Variants in RALYL observed in about 807,000 individuals in gnomAD.
The protein encoded by RALYL is RNA-binding Raly-like protein.
Under a neutral mutation model 35.1 loss-of-function variants are expected in RALYL, and 29 were observed. That is an observed-to-expected ratio of 0.83 (90% CI 0.61 to 1.13). The LOEUF (loss-of-function observed/expected upper bound fraction) is 1.13, where lower values mean the gene tolerates loss of function less well. Among genes scored for constraint, RALYL ranks in the 50% most tolerant of loss-of-function variants. The pLI is 0.00. For missense variants in RALYL, 359 were observed against 360.4 expected (o/e 1.00, Z 0.03); for synonymous variants, 120 against 127.6 (o/e 0.94, Z 0.40).
chr8:84,910,395 A>G (rs922053625), intron 8 of RALYL, among the ~76,000 whole-genome samples: 1 of 152,146 alleles, frequency 6.6e-6, no homozygotes, highest in East Asian at 1.9e-4. Context: ...CTTAAAATAC[A>G]TGATCTAATA....
chr8:84,729,839 A>G (rs1432940912), intron 2 of RALYL, among the ~76,000 whole-genome samples: 5 of 152,188 alleles, frequency 3.3e-5, no homozygotes, highest in Admixed American at 6.6e-5. Context: ...ACCAGGAAGA[A>G]TTTGAATCTC....
intron 1 of RALYL, among the ~76,000 whole-genome samples, chr8:84,431,671 G>C (rs1372232179): frequency 6.6e-6 from 1 of 152,094 alleles, no homozygotes; most frequent in African/African-American, 2.4e-5. Context: ...TGTCCTGGAT[G>C]AACTCACCTA....
intron 3 of RALYL, among the ~76,000 whole-genome samples, chr8:84,782,031 G>GCA (rs35098202): frequency 0.012 from 1,823 of 148,622 alleles, 8 homozygotes; most frequent in South Asian, 0.021. Context: ...GCACACGCGC[G>GCA]CACACACACA....
At chr8:84,197,787 G>A (rs1815735741) in intron 1 of RALYL, among the ~76,000 whole-genome samples, 1 of 146,696 alleles carries the variant, frequency 6.8e-6, no homozygotes. Context: ...AAAAAAAAAA[G>A]ACAAAAAAAA....
Position 84,704,398 on chromosome 8 carries a change from C to A in RALYL, c.257-70181C>A, listed in dbSNP as rs371953384. Among the ~76,000 whole-genome samples, 12 of 151,672 alleles carry A rather than the reference C, an allele frequency of 7.9e-5. No individual in the cohort carries two copies. The South Asian group carries it at 1.3e-3, about 16-fold the overall frequency. Reference sequence around the variant, plus strand: ...CTAGATCGCACAACTGTACTCCAGCCTAGGTAACAGAGCGAGACTCTATAC... The same window carrying A: ...CTAGATCGCACAACTGTACTCCAGCATAGGTAACAGAGCGAGACTCTATAC... On this transcript the variant is annotated intron_variant, in intron 2 of 8. Transcript: ENST00000521268.
intron 4 of RALYL, among the ~76,000 whole-genome samples, chr8:84,822,384 C>T (rs1394138603): frequency 6.6e-6 from 1 of 152,082 alleles, no homozygotes; most frequent in Non-Finnish European, 1.5e-5. Context: ...TCTTAAGTTG[C>T]CAGGTTTTCG....
intron 8 of RALYL, among the ~76,000 whole-genome samples, chr8:84,908,884 C>A (rs1292376874): frequency 6.7e-6 from 1 of 150,086 alleles, no homozygotes; most frequent in Non-Finnish European, 1.5e-5. Context: ...TTTTGCGCAA[C>A]TTTCTACTTG....
At chr8:84,243,753 CT>C (rs1475733953) in intron 1 of RALYL, among the ~76,000 whole-genome samples, 1 of 152,040 alleles carries the variant, frequency 6.6e-6, no homozygotes, top group East Asian at 1.9e-4. Context: ...CTCAGATTTT[CT>C]TTTTCAAGAG....
chr8:84,672,661 G>T (rs1416173019), intron 2 of RALYL, among the ~76,000 whole-genome samples: 1 of 152,130 alleles, frequency 6.6e-6, no homozygotes, highest in African/African-American at 2.4e-5. Flanking sequence ...AGGAGCAAGG[G>T]CACATCTTAC....
intron 1 of RALYL, among the ~76,000 whole-genome samples, chr8:84,223,894 A>G (rs1349862645): frequency 1.3e-5 from 2 of 152,206 alleles, no homozygotes; most frequent in Non-Finnish European, 2.9e-5. Flanking sequence ...CAATATGTCA[A>G]TAGAAGTTGA....
intron 1 of RALYL, among the ~76,000 whole-genome samples, chr8:84,265,759 CTG>C (rs2032961332): frequency 6.6e-6 from 1 of 152,114 alleles, no homozygotes. Context: ...GCTGATAACT[CTG>C]TGATTGGTTT....
At chr8:84,703,156 C>T (rs1840515678) in intron 2 of RALYL, among the ~76,000 whole-genome samples, 1 of 152,152 alleles carries the variant, frequency 6.6e-6, no homozygotes, top group Non-Finnish European at 1.5e-5. Context: ...TCTCACCTGC[C>T]TACCCTACTG....
At chr8:84,851,464 TA>T (rs1462098570) in intron 5 of RALYL, among the ~76,000 whole-genome samples, 4 of 152,182 alleles carry the variant, frequency 2.6e-5, no homozygotes, top group African/African-American at 9.7e-5. Flanking sequence ...GAGGATCAAC[TA>T]TATATAGATA....
intron 1 of RALYL, among the ~76,000 whole-genome samples, chr8:84,517,150 T>A (rs1310253685): frequency 6.6e-6 from 1 of 152,178 alleles, no homozygotes; most frequent in African/African-American, 2.4e-5. Flanking sequence ...TCCAGTTGAA[T>A]CATAGATCCA....
chr8:84,466,748 A>G (rs1336514427), intron 1 of RALYL, among the ~76,000 whole-genome samples: 2 of 149,342 alleles, frequency 1.3e-5, no homozygotes, highest in African/African-American at 2.4e-5. Context: ...CTCTGGTAGA[A>G]TTCGGCTGTG....
At chr8:84,228,101 A>G (rs1048155614) in intron 1 of RALYL, among the ~76,000 whole-genome samples, 4 of 151,666 alleles carry the variant, frequency 2.6e-5, no homozygotes, top group African/African-American at 9.7e-5. Context: ...ATGTTCAGTG[A>G]AATTCCTTTG....
At chr8:84,530,297 C>T (rs1039077946) in intron 2 of RALYL, among the ~76,000 whole-genome samples, 9 of 151,792 alleles carry the variant, frequency 5.9e-5, no homozygotes, top group African/African-American at 1.9e-4. Context: ...ATTAATGATT[C>T]CTCAATTTAT....
chr8:84,496,791 C>T (rs1430105891), intron 1 of RALYL, among the ~76,000 whole-genome samples: 1 of 152,056 alleles, frequency 6.6e-6, no homozygotes, highest in Non-Finnish European at 1.5e-5. Context: ...GTCAGTGATA[C>T]ACTAAATAAT....
intron 1 of RALYL, among the ~76,000 whole-genome samples, chr8:84,355,215 A>T (rs2131147800): frequency 6.6e-6 from 1 of 150,592 alleles, no homozygotes; most frequent in South Asian, 2.1e-4. Context: ...CTGCAAATTC[A>T]GTACTTAATC....
Sources: gnomAD v4.1 joint callset for allele counts (sites outside exome capture counted in the v4.1 genomes callset) on GRCh38, gnomAD v4.1.1 for gene constraint, MANE v1.5 for transcripts, NCBI Gene and HGNC (gene_info 2026-07-23, HGNC 2026-07-21) for gene names.